PGAP2: variants seen among roughly 807,000 people sequenced by gnomAD.
The protein encoded by PGAP2 is acyltransferase PGAP2.
PGAP2 carries 21 observed loss-of-function variants against 33.2 expected under a neutral mutation model. The observed-to-expected ratio is 0.63, with a 90% CI of 0.45 to 0.91. The LOEUF (loss-of-function observed/expected upper bound fraction) is 0.91, where lower values mean the gene tolerates loss of function less well. Among genes scored for constraint, PGAP2 ranks in the 40% least tolerant of loss-of-function variants. The pLI, the probability that PGAP2 is intolerant of heterozygous loss-of-function variation, is 0.00. For synonymous variants in PGAP2, 161 were observed against 172.9 expected (o/e 0.93, Z 0.54); for missense variants, 345 against 424.0 (o/e 0.81, Z 1.64).
intron 1 of PGAP2, among the ~76,000 whole-genome samples, chr11:3,810,399 T>C (rs1182792501): frequency 6.6e-6 from 1 of 152,204 alleles, no homozygotes; most frequent in Non-Finnish European, 1.5e-5. Flanking sequence ...CAACTTTCCC[T>C]TCTGTATACT....
chr11:3,801,923 C>T (rs1391557773), intron 1 of PGAP2, among the ~76,000 whole-genome samples: 1 of 151,772 alleles, frequency 6.6e-6, no homozygotes, highest in Non-Finnish European at 1.5e-5. Flanking sequence ...CCAGCCTCAG[C>T]CTGTGTGACA....
chr11:3,798,161 C>T (rs2082839472), intron 1 of PGAP2: 1 of 1,392,416 alleles, frequency 7.2e-7, no homozygotes, highest in Non-Finnish European at 9.3e-7. Context: ...TGACCCTATT[C>T]TCTCCTGACC....
chr11:3,808,672 G>T, intron 1 of PGAP2, 21 bp downstream of exon 1: 2 of 1,144,834 alleles, frequency 1.7e-6, no homozygotes, highest in Non-Finnish European at 2.2e-6. Context: ...GCATGGATGT[G>T]CTGGGCTGCC....
chr11:3,825,277 A>T, intron 6 of PGAP2, 51 bp from the exon 7 acceptor site: 1 of 1,598,390 alleles, frequency 6.3e-7, no homozygotes, highest in African/African-American at 1.3e-5. Context: ...GAGGCCTCTG[A>T]GCGGGTAGCT....
At chr11:3,805,002 C>G (rs905866084), upstream of PGAP2, among the ~76,000 whole-genome samples, 1 of 152,076 alleles carries the variant, frequency 6.6e-6, no homozygotes. Context: ...GCACCCGGCC[C>G]AAGAACTCTT....
chr11:3,825,684 C>A lies in PGAP2; in HGVS notation c.*226C>A. ...AACATCACCTTTACCTGAGAGGCCC[C>A]AAGAAGCTGAGCTGGCAGAGAGCTC... On this transcript the variant is annotated 3_prime_UTR_variant, in exon 7 of 7. Transcript: ENST00000278243. The A allele has an allele frequency of 1.5e-5, 5 of 323,084 alleles. No homozygotes were observed. Among genetic ancestry groups the A allele is most frequent in the East Asian group, 5.6e-5 (1 of 18,016 alleles). The allele number at this position is 323,084 out of a possible 1,614,324, so 20.0% of individuals were successfully genotyped here. A position where few individuals can be genotyped will look rare whatever the true frequency, so the allele number is the denominator to read the frequency against.
At chr11:3,814,657 C>T (rs2086355144) in intron 2 of PGAP2, among the ~76,000 whole-genome samples, 1 of 151,992 alleles carries the variant, frequency 6.6e-6, no homozygotes, top group African/African-American at 2.4e-5. Flanking sequence ...AAGTGATCCT[C>T]CTGCCTCAGC....
upstream of PGAP2, chr11:3,808,070 G>C (rs1036996667): frequency 7.2e-7 from 1 of 1,380,762 alleles, no homozygotes; most frequent in African/African-American, 1.5e-5. Flanking sequence ...GCCTCACCGG[G>C]TCTCACTGCC....
intron 1 of PGAP2, among the ~76,000 whole-genome samples, chr11:3,802,129 A>G (rs1280977656): frequency 6.8e-6 from 1 of 146,170 alleles, no homozygotes; most frequent in African/African-American, 2.6e-5. Context: ...TTGAATGAGT[A>G]AGCAAATGAG....
Position 3,821,681 on chromosome 11 carries a change from G to A in PGAP2, c.349-2202G>A, listed in dbSNP as rs375000136. Among the ~76,000 whole-genome samples, 63 of 151,628 alleles carry A rather than the reference G, an allele frequency of 4.2e-4. No individual in the cohort carries two copies. The South Asian group carries it at 8.1e-3, about 20-fold the overall frequency. On this transcript the variant is annotated intron_variant, in intron 3 of 6. Transcript: ENST00000278243. ...GCTGAGGCAGGAGAATTGCTTGACCGCAGGAAGCGGAGGTTGCAGTGAGCC... is the reference window on the plus strand; with the variant it reads ...GCTGAGGCAGGAGAATTGCTTGACCACAGGAAGCGGAGGTTGCAGTGAGCC...
At chr11:3,822,518 C>G (rs1286699947) in intron 3 of PGAP2, among the ~76,000 whole-genome samples, 3 of 151,918 alleles carry the variant, frequency 2.0e-5, no homozygotes, top group African/African-American at 7.3e-5. Flanking sequence ...AAAAATTAGC[C>G]TGCTACTCAG....
intron 1 of PGAP2, among the ~76,000 whole-genome samples, chr11:3,810,073 G>A (rs901620442): frequency 2.0e-5 from 3 of 152,226 alleles, no homozygotes; most frequent in Admixed American, 1.3e-4. Flanking sequence ...CAACGTTCCA[G>A]GGATGGCTTT....
At chr11:3,824,699 G>GC (rs1472082180) in intron 5 of PGAP2, 1 of 914,000 alleles carries the variant, frequency 1.1e-6, no homozygotes. Flanking sequence ...TAATTCCAGC[G>GC]CCCCACCCAT....
rs369230650 is a variant in PGAP2 at position 3,823,972 on chromosome 11, G to A, written c.438G>A (p.Ser146=). 1.1e-5 allele frequency: 17 copies of A among 1,612,020 alleles called. No individual in the cohort carries two copies. The highest frequency in any genetic ancestry group is 4.0e-5 in the African/African-American group (3 of 74,882). The change falls in exon 4 of 7, where the codon TCG becomes TCA. Residue 146 remains serine, a synonymous_variant. Transcript: ENST00000278243. Reference sequence around the variant, plus strand: ...GGCGTTTCTGCATCGGCCTGCACTCGGCGCCTCGCTTCTTGGTGGCCTTCG... The same window carrying A: ...GGCGTTTCTGCATCGGCCTGCACTCAGCGCCTCGCTTCTTGGTGGCCTTCG... ...YVWRFCIGLH[S]APRFLVAFAY...
intron 1 of PGAP2, among the ~76,000 whole-genome samples, chr11:3,800,076 A>G (rs973755238): frequency 6.6e-6 from 1 of 152,216 alleles, no homozygotes; most frequent in Non-Finnish European, 1.5e-5. Flanking sequence ...GAAAATCAAT[A>G]TATGGTTGGC....
intron 2 of PGAP2, among the ~76,000 whole-genome samples, chr11:3,814,248 CTTTTA>C (rs1216994463): frequency 6.6e-6 from 1 of 152,064 alleles, no homozygotes; most frequent in East Asian, 1.9e-4. Flanking sequence ...TAGCCTTTTT[CTTTTA>C]TTTTCTTTCT....
At position 3,811,756 on chromosome 11, in the gene PGAP2, T is replaced by C. The variant is rs893751653; in HGVS notation, c.165+332T>C. Among the ~76,000 whole-genome samples the C allele has an allele frequency of 6.6e-6, 1 of 152,038 alleles. No individual in the cohort carries two copies. Among genetic ancestry groups the C allele is most frequent in the African/African-American group, 2.4e-5 (1 of 41,402 alleles). ...TTCCTGGCCCCGCGCCCCATATCCCTGTCCAGAGGGCAGACCTAGAGCCAA... is the reference window on the plus strand; with the variant it reads ...TTCCTGGCCCCGCGCCCCATATCCCCGTCCAGAGGGCAGACCTAGAGCCAA... On this transcript the variant is annotated intron_variant, in intron 2 of 6. Transcript: ENST00000278243. This position sits in a 1 kb window ranked among gnomAD's most constrained non-coding sequence, Gnocchi z 4.6.
In PGAP2 at chr11:3,817,076, G is replaced by A. The variant is rs7121376; in HGVS notation, c.166-277G>A. The stretch of plus-strand genomic sequence containing the variant: ...ACCAGAGCTCCCTGTCCAAGCCACC[G>A]GGAGCCTCTCTTCTGTAGGCTCTTC... On this transcript the variant is annotated intron_variant, in intron 2 of 6. Coordinates refer to ENST00000278243, the MANE Select transcript of PGAP2 (RefSeq NM_014489.4). 5.6e-3 allele frequency among the ~76,000 whole-genome samples: 858 copies of A among 152,174 alleles called. 13 individuals are homozygous for A. The highest frequency in any genetic ancestry group is 0.019 in the African/African-American group (808 of 41,510).
chr11:3,809,882 G>A (rs1441235397), intron 1 of PGAP2, among the ~76,000 whole-genome samples: 1 of 152,228 alleles, frequency 6.6e-6, no homozygotes, highest in African/African-American at 2.4e-5. Context: ...CACCTGGCTT[G>A]TTCTGGAATG....
Sources: allele counts gnomAD v4.1 joint callset (sites outside exome capture counted in the v4.1 genomes callset), GRCh38; gene constraint gnomAD v4.1.1; non-coding constraint Gnocchi (gnomAD v3.1); transcripts MANE v1.5; gene names NCBI Gene and HGNC (gene_info 2026-07-23, HGNC 2026-07-21).